Variants in TTC12 observed in about 807,000 individuals in gnomAD.
TTC12 encodes the protein tetratricopeptide repeat domain 12.
Under a neutral mutation model 90.1 loss-of-function variants are expected in TTC12, and 70 were observed. The observed-to-expected ratio is 0.78, with a 90% CI of 0.64 to 0.95. TTC12 has a LOEUF of 0.95. Ranked by LOEUF, TTC12 falls within the 40% of genes least tolerant of loss-of-function variation. The pLI is 0.00. For missense variants in TTC12, 819 were observed against 846.1 expected (o/e 0.97, Z 0.40); for synonymous variants, 296 against 311.5 (o/e 0.95, Z 0.53).
At chr11:113,329,714 G>A (rs782499511) in intron 6 of TTC12, 16 of 635,578 alleles carry the variant, frequency 2.5e-5, no homozygotes, top group Non-Finnish European at 4.1e-5. Context: ...CCTAAGCCCT[G>A]CCTTCACCGT....
In TTC12 at chr11:113,359,978, AC is replaced by A. The variant is rs782676937; in HGVS notation, c.1585del (p.Leu529Ter). ...VEVSRRCLSL[L>X]NSQDGGILTR... Reference sequence around the variant, plus strand: ...AGGTGAGCAGAAGGTGCCTGTCTTTACTAAACAGCCAGGATGGAGGAATCCT... The same window carrying A: ...AGGTGAGCAGAAGGTGCCTGTCTTTATAAACAGCCAGGATGGAGGAATCCT... On this transcript the variant is annotated frameshift_variant, in exon 18 of 22. Transcript: ENST00000529221. LOFTEE classifies it high-confidence loss of function. 1 of 1,600,974 alleles carries A rather than the reference AC, an allele frequency of 6.2e-7. No homozygotes were observed. The highest frequency in any genetic ancestry group is 8.5e-7 in the Non-Finnish European group (1 of 1,174,154).
At chr11:113,363,325 C>T (rs1204271240) in intron 19 of TTC12, among the ~76,000 whole-genome samples, 20 of 152,242 alleles carry the variant, frequency 1.3e-4, no homozygotes, top group Admixed American at 1.3e-3. Flanking sequence ...CACGTGCATA[C>T]GTGCACACAT....
At chr11:113,352,262 GTCT>G in intron 16 of TTC12, 55 bp downstream of exon 16, 3 of 1,609,188 alleles carry the variant, frequency 1.9e-6, no homozygotes, top group East Asian at 2.2e-5. Flanking sequence ...GGGCATTAGC[GTCT>G]TCTTAGTTAT....
intron 16 of TTC12, among the ~76,000 whole-genome samples, chr11:113,356,877 C>T (rs185877655): frequency 6.6e-6 from 1 of 151,850 alleles, no homozygotes; most frequent in African/African-American, 2.4e-5. Context: ...TTCATTTTGA[C>T]CTTGGAGAAT....
chr11:113,322,942 T>C (rs1947431241), intron 2 of TTC12, among the ~76,000 whole-genome samples: 1 of 152,112 alleles, frequency 6.6e-6, no homozygotes, highest in Non-Finnish European at 1.5e-5. Context: ...TCATAAACTC[T>C]TCAAAAAAGG....
chr11:113,368,471 G>C, downstream of TTC12: 1 of 1,550,484 alleles, frequency 6.4e-7, no homozygotes, highest in Non-Finnish European at 8.7e-7. Context: ...CAGGTAATCA[G>C]AGTCTTCTGG....
chr11:113,332,667 G>A (rs541120838), intron 7 of TTC12, among the ~76,000 whole-genome samples: 1 of 152,210 alleles, frequency 6.6e-6, no homozygotes, highest in South Asian at 2.1e-4. Flanking sequence ...CTCTGCAAAA[G>A]GCTCTCAGAC....
At chr11:113,367,258 C>T (rs1950247043), downstream of TTC12, among the ~76,000 whole-genome samples, 1 of 152,190 alleles carries the variant, frequency 6.6e-6, no homozygotes, top group South Asian at 2.1e-4. Context: ...GTTCCAAAGA[C>T]TTTTGGTCGT....
At chr11:113,329,843 G>T in intron 6 of TTC12, 77 bp from the exon 7 acceptor site, 1 of 1,219,582 alleles carries the variant, frequency 8.2e-7, no homozygotes, top group South Asian at 1.2e-5. Context: ...TCTACTGTTC[G>T]AATGTTCTTT....
At chr11:113,323,909 A>G (rs1947515706) in intron 3 of TTC12, 85 bp from the exon 4 acceptor site, 1 of 1,057,580 alleles carries the variant, frequency 9.5e-7, no homozygotes, top group African/African-American at 1.6e-5. Context: ...TTTGTAATTG[A>G]TTTGCCTTCT....
rs374011475 is a variant in TTC12 at position 113,371,924 on chromosome 11, A to C, written c.*121-1200A>C. On this transcript the variant is annotated intron_variant, in intron 21 of 21. Transcript: ENST00000314756. ...CTCATCACCGTACTTGGCACATGGA[A>C]GCCCTGAGGAGATGGGCACTCCTGT... Among the ~76,000 whole-genome samples the C allele has an allele frequency of 1.5e-4, 23 of 152,280 alleles. 2 individuals are homozygous for C. In the South Asian group the frequency reaches 4.8e-3, roughly 32 times the overall value.
intron 2 of TTC12, among the ~76,000 whole-genome samples, chr11:113,322,526 C>CT (rs1947403922): frequency 6.6e-6 from 1 of 152,116 alleles, no homozygotes; most frequent in South Asian, 2.1e-4. Context: ...ATAAGGGCAT[C>CT]TTTTTGAGAT....
downstream of TTC12, chr11:113,368,134 C>T: frequency 7.7e-7 from 1 of 1,299,616 alleles, no homozygotes; most frequent in Non-Finnish European, 1.0e-6. Context: ...GGTGTATTCT[C>T]TTCCCCAAAG....
chr11:113,362,509 T>C lies in TTC12; in HGVS notation c.1716+7T>C, dbSNP rs1555155687. 2 of 1,579,598 alleles carry C rather than the reference T, an allele frequency of 1.3e-6. No individual in the cohort carries two copies. The highest frequency in any genetic ancestry group is 2.7e-5 in the African/African-American group (2 of 74,180). On this transcript the variant is annotated splice_region_variant and intron_variant, in intron 19 of 21. Coordinates refer to ENST00000529221, the MANE Select transcript of TTC12 (RefSeq NM_017868.4). ...AATGATGAAATTCCTGAAGGTAAGATCACTTTATTGGTTACAACCCCTGAA... is the reference window on the plus strand; with the variant it reads ...AATGATGAAATTCCTGAAGGTAAGACCACTTTATTGGTTACAACCCCTGAA...
downstream of TTC12, among the ~76,000 whole-genome samples, chr11:113,371,260 A>G (rs1307019429): frequency 6.6e-6 from 1 of 152,258 alleles, no homozygotes. Context: ...ATATTTGCAT[A>G]TAACCTACAT....
intron 13 of TTC12, among the ~76,000 whole-genome samples, chr11:113,348,051 AC>A (rs1949071066): frequency 6.6e-6 from 1 of 152,072 alleles, no homozygotes; most frequent in Non-Finnish European, 1.5e-5. Context: ...CCAGGATCCT[AC>A]CCTTGGCCCT....
intron 10 of TTC12, among the ~76,000 whole-genome samples, chr11:113,339,838 G>A (rs149131328): frequency 6.6e-6 from 1 of 151,844 alleles, no homozygotes; most frequent in African/African-American, 2.4e-5. Flanking sequence ...CACACCATAA[G>A]TACTCATGTC....
chr11:113,362,531 T>G, intron 19 of TTC12, 29 bp downstream of exon 19: 1 of 1,431,148 alleles, frequency 7.0e-7, no homozygotes, highest in South Asian at 1.1e-5. Flanking sequence ...TTACAACCCC[T>G]GAAATGTACA....
At chr11:113,360,136 A>C in intron 18 of TTC12, 128 bp downstream of exon 18, 1 of 656,706 alleles carries the variant, frequency 1.5e-6, no homozygotes, top group Non-Finnish European at 2.7e-6. Flanking sequence ...ACTCTGAGAT[A>C]TGGTGTGGAT....
Sources: gnomAD v4.1 joint callset for allele counts (sites outside exome capture counted in the v4.1 genomes callset) on GRCh38, gnomAD v4.1.1 for gene constraint, MANE v1.5 for transcripts, NCBI Gene and HGNC (gene_info 2026-07-23, HGNC 2026-07-21) for gene names.